The following CDKL3 variants were observed in gnomAD, a reference collection of about 807,000 sequenced individuals.
CDKL3 encodes cyclin dependent kinase like 3.
Under a neutral mutation model 69.3 loss-of-function variants are expected in CDKL3, and 65 were observed. The ratio of observed to expected loss-of-function variants is 0.94; its 90% CI spans 0.77 to 1.15. The LOEUF (loss-of-function observed/expected upper bound fraction) is 1.15, where lower values mean the gene tolerates loss of function less well. Ranked by LOEUF, CDKL3 falls within the 50% of genes most tolerant of loss-of-function variation. The probability of loss-of-function intolerance (pLI) is 0.00; values close to 1 mark genes in which losing one functional copy is unlikely to be tolerated. For synonymous variants in CDKL3, 202 were observed against 221.6 expected, an observed-to-expected ratio of 0.91 and a Z score of 0.79; for missense variants, 652 against 689.2, an observed-to-expected ratio of 0.95 and a Z score of 0.61.
intron 3 of CDKL3, 94 bp from the exon 4 acceptor site, chr5:134,350,521 A>T: frequency 1.2e-6 from 1 of 823,428 alleles, no homozygotes. Flanking sequence ...GCTAATTAAG[A>T]TAGTAAAGCT....
chr5:134,352,984 A>T (rs539129941), intron 3 of CDKL3, among the ~76,000 whole-genome samples: 42 of 152,274 alleles, frequency 2.8e-4, no homozygotes, highest in African/African-American at 9.9e-4. Context: ...TTCATATCTA[A>T]AAAATAATTG....
chr5:134,371,140 T>C (rs1758359878), upstream of CDKL3: 1 of 255,716 alleles, frequency 3.9e-6, no homozygotes, highest in Admixed American at 5.3e-5. Context: ...TGATCTTACA[T>C]CATCCCACCT....
chr5:134,313,298 C>G (rs544691422), intron 6 of CDKL3, among the ~76,000 whole-genome samples: 1 of 152,224 alleles, frequency 6.6e-6, no homozygotes, highest in Non-Finnish European at 1.5e-5. Flanking sequence ...CTCACTGGAG[C>G]CTTGAACTCC....
chr5:134,350,355 C>CAA lies in CDKL3; in HGVS notation c.431_432dup (p.Gly145LeufsTer7). 1.3e-6 allele frequency: 2 copies of CAA among 1,587,262 alleles called. No individual in the cohort carries two copies. The highest frequency in any genetic ancestry group is 1.7e-6 in the Non-Finnish European group (2 of 1,166,108). ...GGAGCTGCTAGTGTTCGTGCAAAACCAAAATCACAGAGCTTAGTAATTCCT... is the reference window on the plus strand; with the variant it reads ...GGAGCTGCTAGTGTTCGTGCAAAACCAAAAAATCACAGAGCTTAGTAATTCCT... On this transcript the variant is annotated frameshift_variant, in exon 4 of 13. Transcript: ENST00000265334. LOFTEE classifies it high-confidence loss of function.
intron 10 of CDKL3, among the ~76,000 whole-genome samples, chr5:134,306,051 G>A (rs1277670694): frequency 6.6e-6 from 1 of 151,998 alleles, no homozygotes; most frequent in African/African-American, 2.4e-5. Flanking sequence ...CTCTGCCTAA[G>A]TCACATGTTA....
chr5:134,285,815 C>T (rs993775370), downstream of CDKL3, among the ~76,000 whole-genome samples: 3 of 152,170 alleles, frequency 2.0e-5, no homozygotes, highest in Non-Finnish European at 4.4e-5. Flanking sequence ...CTCTTGAATG[C>T]TTTGCTGCTT....
Position 134,367,106 on chromosome 5 carries a change from T to G in CDKL3, c.-151A>C. 1.0e-6 allele frequency: 1 copy of G among 986,120 alleles called. No homozygotes were observed. Among genetic ancestry groups the G allele is most frequent in the Non-Finnish European group, 1.2e-6 (1 of 830,434 alleles). 61.1% of individuals were successfully genotyped at this position (986,120 alleles called of 1,614,324 possible). A position where few individuals can be genotyped will look rare whatever the true frequency, so the allele number is the denominator to read the frequency against. ...GCCACCGAACACTGATACTACTTTG[T>G]TGCTCAGCCCCGCAAGGAACCGGCC... On this transcript the variant is annotated 5_prime_UTR_variant, in exon 1 of 13. Transcript: ENST00000265334.
chr5:134,347,500 G>C (rs944371428), intron 4 of CDKL3, among the ~76,000 whole-genome samples: 2 of 151,878 alleles, frequency 1.3e-5, no homozygotes, highest in South Asian at 4.1e-4. Context: ...AAATAACCCA[G>C]ATGTCCATCA....
downstream of CDKL3, among the ~76,000 whole-genome samples, chr5:134,283,850 T>A (rs1027981343): frequency 6.6e-6 from 1 of 152,144 alleles, no homozygotes; most frequent in African/African-American, 2.4e-5. Context: ...CTAGATACAA[T>A]GGAGGTACAG....
At position 134,312,319 on chromosome 5, in the gene CDKL3, T is replaced by C; in HGVS notation, c.854A>G (p.Tyr285Cys). Residue 285 changes from tyrosine to cysteine, a missense_variant, in exon 7 of 13, where the codon TAT (tyrosine) becomes TGT (cysteine). Coordinates refer to ENST00000265334, the MANE Select transcript of CDKL3 (RefSeq NM_001113575.2). ...ISSSDLLHHEYFTRDGFIEKF... is the reference protein window; with the variant it reads ...ISSSDLLHHECFTRDGFIEKF... ...TTCAATAAATCCATCTCTAGTAAAA[T>C]ACTCATGATGCAAAAGATCACTAGA... 1 of 1,595,826 alleles carries C rather than the reference T, an allele frequency of 6.3e-7. No homozygotes were observed. The highest frequency in any genetic ancestry group is 1.7e-5 in the Admixed American group (1 of 57,472).
intron 3 of CDKL3, among the ~76,000 whole-genome samples, chr5:134,353,463 T>C (rs545503767): frequency 6.6e-6 from 1 of 152,242 alleles, no homozygotes; most frequent in East Asian, 1.9e-4. Flanking sequence ...TCTATCAACT[T>C]GTCTCCCTGA....
At position 134,321,881 on chromosome 5, in the gene CDKL3, C is replaced by G. The variant is rs1240200831; in HGVS notation, c.562G>C (p.Gly188Arg). The stretch of plus-strand genomic sequence containing the variant: ...GTGGCCATCTCAATGATCATACAGC[C>G]CAAAGCCCAGATATCCACAGGTCTG... ...YGKPVDIWALGCMIIEMATGN... is the reference protein window; with the variant it reads ...YGKPVDIWALRCMIIEMATGN... Residue 188 changes from glycine (G) to arginine (R), a missense_variant, in exon 5 of 13, where the codon GGC (glycine) becomes CGC (arginine). Coordinates refer to ENST00000265334, the MANE Select transcript of CDKL3 (RefSeq NM_001113575.2). 47 of 1,609,222 alleles carry G rather than the reference C, an allele frequency of 2.9e-5. No individual in the cohort carries two copies. The highest frequency in any genetic ancestry group is 3.9e-5 in the Non-Finnish European group (46 of 1,176,442).
intron 12 of CDKL3, among the ~76,000 whole-genome samples, chr5:134,301,910 A>AACAAACAC (rs1305554530): frequency 6.6e-6 from 1 of 151,934 alleles, no homozygotes; most frequent in East Asian, 1.9e-4. Flanking sequence ...CAAACAAACA[A>AACAAACAC]ACAAACACAA....
At chr5:134,288,169 T>C (rs902625844) in intron 8 of CDKL3, among the ~76,000 whole-genome samples, 29 of 152,198 alleles carry the variant, frequency 1.9e-4, no homozygotes, top group Admixed American at 6.5e-4. Flanking sequence ...GCTGGGATTA[T>C]AGGCATGAGC....
Position 134,308,549 on chromosome 5 carries a change from C to T in CDKL3, c.1035+25G>A, listed in dbSNP as rs766076651. The stretch of plus-strand genomic sequence containing the variant: ...TCTAACTATAATATAATTATACTGG[C>T]TGAAACAAAAACCAAAGTTCTTACC... On this transcript the variant is annotated intron_variant, in intron 8 of 12. Transcript: ENST00000265334. 3.2e-6 allele frequency: 5 copies of T among 1,561,940 alleles called. No individual in the cohort carries two copies. The East Asian group carries it at 1.1e-4, about 35-fold the overall frequency.
At chr5:134,355,198 A>G (rs1473198758) in intron 3 of CDKL3, among the ~76,000 whole-genome samples, 1 of 146,068 alleles carries the variant, frequency 6.8e-6, no homozygotes, top group African/African-American at 2.6e-5. Context: ...ATGCCAATAC[A>G]CTCCAGCCTG....
downstream of CDKL3, among the ~76,000 whole-genome samples, chr5:134,285,673 T>G (rs1005523789): frequency 3.1e-4 from 48 of 152,388 alleles, no homozygotes; most frequent in Non-Finnish European, 6.0e-4. Context: ...TGCAAATTTC[T>G]GCAGCTGGCT....
At chr5:134,310,616 T>C (rs1769186154) in intron 7 of CDKL3, among the ~76,000 whole-genome samples, 1 of 152,060 alleles carries the variant, frequency 6.6e-6, no homozygotes, top group Non-Finnish European at 1.5e-5. Context: ...GCCTCCTGAG[T>C]AGTTGGGACT....
At chr5:134,358,116 T>C (rs1755055118) in intron 3 of CDKL3, among the ~76,000 whole-genome samples, 1 of 152,186 alleles carries the variant, frequency 6.6e-6, no homozygotes, top group Non-Finnish European at 1.5e-5. Context: ...AAATCTTCAG[T>C]AGTTTCCCAG....
Sources: allele counts gnomAD v4.1 joint callset (sites outside exome capture counted in the v4.1 genomes callset), GRCh38; gene constraint gnomAD v4.1.1; transcripts MANE v1.5; gene names NCBI Gene and HGNC (gene_info 2026-07-23, HGNC 2026-07-21).